Variants in GALNT13 observed in about 807,000 individuals in gnomAD.
GALNT13 encodes the protein polypeptide N-acetylgalactosaminyltransferase 13.
GALNT13 carries 28 observed loss-of-function variants against 64.2 expected under a neutral mutation model. The ratio of observed to expected loss-of-function variants is 0.44; its 90% CI spans 0.32 to 0.60. GALNT13 has a LOEUF of 0.60. GALNT13 is among the 20% of genes least tolerant of loss of function. The pLI is 0.05. For synonymous variants in GALNT13, 214 were observed against 224.6 expected (o/e 0.95, Z 0.42); for missense variants, 577 against 669.8 (o/e 0.86, Z 1.53).
At chr2:153,245,383 G>A in the GALNT13 span, among the ~76,000 whole-genome samples, 6 of 152,278 alleles carry the variant, frequency 3.9e-5, no homozygotes, top group African/African-American at 9.6e-5. Context: ...CCTCATACAG[G>A]AGAGCTCTGG....
At chr2:153,330,183 T>C in the GALNT13 span, among the ~76,000 whole-genome samples, 2 of 152,214 alleles carry the variant, frequency 1.3e-5, no homozygotes, top group Admixed American at 1.3e-4. Context: ...ACTGTAGCCT[T>C]ATAGTATAGT....
chr2:153,345,233 G>A, the GALNT13 span, among the ~76,000 whole-genome samples: 2 of 152,100 alleles, frequency 1.3e-5, no homozygotes, highest in Non-Finnish European at 2.9e-5. Flanking sequence ...TCCATCTTCT[G>A]ACTATTGTAG....
intron 9 of GALNT13, among the ~76,000 whole-genome samples, chr2:154,339,102 G>A (rs1695613215): frequency 6.6e-6 from 1 of 152,000 alleles, no homozygotes; most frequent in Non-Finnish European, 1.5e-5. Context: ...TACATATTAG[G>A]CATTCAATCA....
chr2:153,727,106 A>T, the GALNT13 span, among the ~76,000 whole-genome samples: 5 of 152,176 alleles, frequency 3.3e-5, no homozygotes. Context: ...TAATTACTAT[A>T]TAATTTTCAG....
the GALNT13 span, among the ~76,000 whole-genome samples, chr2:153,292,853 C>CTG: frequency 6.6e-6 from 1 of 152,194 alleles, no homozygotes; most frequent in East Asian, 1.9e-4. Flanking sequence ...TCAGACATTT[C>CTG]TGTGTGTATA....
At chr2:154,406,390 T>C (rs1699542266) in intron 10 of GALNT13, among the ~76,000 whole-genome samples, 1 of 152,158 alleles carries the variant, frequency 6.6e-6, no homozygotes, top group South Asian at 2.1e-4. Context: ...TATTATACCA[T>C]GCCTATGCTA....
chr2:154,118,843 C>T (rs1681764809), intron 3 of GALNT13, among the ~76,000 whole-genome samples: 1 of 152,064 alleles, frequency 6.6e-6, no homozygotes, highest in Non-Finnish European at 1.5e-5. Flanking sequence ...TGGACTGTTA[C>T]TCCTCCCTTC....
At chr2:153,723,845 G>A in the GALNT13 span, among the ~76,000 whole-genome samples, 1 of 150,942 alleles carries the variant, frequency 6.6e-6, no homozygotes, top group Non-Finnish European at 1.5e-5. Context: ...CTCATGGGTA[G>A]GAAGAATCAA....
chr2:153,798,381 T>C, the GALNT13 span, among the ~76,000 whole-genome samples: 2 of 152,322 alleles, frequency 1.3e-5, no homozygotes, highest in East Asian at 3.9e-4. Flanking sequence ...TAAAAGGAAA[T>C]GTATAAGTGA....
At chr2:153,600,681 G>A in the GALNT13 span, among the ~76,000 whole-genome samples, 2 of 151,986 alleles carry the variant, frequency 1.3e-5, no homozygotes, top group African/African-American at 4.8e-5. Flanking sequence ...ATTCATTTCA[G>A]AGCTTTAAAT....
chr2:153,765,731 C>G, the GALNT13 span, among the ~76,000 whole-genome samples: 1 of 152,086 alleles, frequency 6.6e-6, no homozygotes, highest in African/African-American at 2.4e-5. Flanking sequence ...GTGTCCTCAT[C>G]CAAAACTCAC....
chr2:153,649,252 A>G, the GALNT13 span, among the ~76,000 whole-genome samples: 2 of 152,200 alleles, frequency 1.3e-5, no homozygotes, highest in African/African-American at 4.8e-5. Flanking sequence ...TTATTTGCAC[A>G]GAGGTGTTTA....
intron 4 of GALNT13, among the ~76,000 whole-genome samples, chr2:154,180,817 C>T (rs887166636): frequency 5.9e-5 from 9 of 151,960 alleles, no homozygotes; most frequent in African/African-American, 1.9e-4. Context: ...ATGTCATTAA[C>T]TGGAGATCTT....
intron 12 of GALNT13, among the ~76,000 whole-genome samples, chr2:154,447,971 C>T (rs1300502596): frequency 6.6e-6 from 1 of 151,950 alleles, no homozygotes; most frequent in African/African-American, 2.4e-5. Flanking sequence ...TGCTTCTCTC[C>T]ATAGGAGAAA....
intron 9 of GALNT13, among the ~76,000 whole-genome samples, chr2:154,318,488 G>A (rs1694442954): frequency 6.6e-6 from 1 of 152,056 alleles, no homozygotes; most frequent in Non-Finnish European, 1.5e-5. Context: ...CACTTTGGGA[G>A]GCTGAGGCAA....
rs1559087994 is a variant in GALNT13, at chr2:154,318,905, A to G, written c.1156+17316A>G. Among the ~76,000 whole-genome samples, 4 of 152,180 alleles carry G rather than the reference A, an allele frequency of 2.6e-5. No individual in the cohort carries two copies. The South Asian group carries it at 6.2e-4, about 24-fold the overall frequency. ...CGCACACACACGCACACACATATAT[A>G]TACAAATATATATACACACATATGT... is the stretch of plus-strand genomic sequence containing the variant. On this transcript the variant is annotated intron_variant, in intron 9 of 12. Coordinates refer to ENST00000392825, the MANE Select transcript of GALNT13 (RefSeq NM_052917.4).
At chr2:154,402,787 T>C (rs1011499225) in intron 10 of GALNT13, among the ~76,000 whole-genome samples, 2 of 152,236 alleles carry the variant, frequency 1.3e-5, no homozygotes, top group African/African-American at 4.8e-5. Flanking sequence ...TTGCATCTTT[T>C]CTGAAATTTT....
intron 12 of GALNT13, among the ~76,000 whole-genome samples, chr2:154,447,402 A>G (rs556852470): frequency 1.3e-5 from 2 of 152,068 alleles, no homozygotes; most frequent in East Asian, 1.9e-4. Flanking sequence ...TCTCACTTTT[A>G]CGATTTGTGA....
chr2:154,209,433 A>T (rs1687648446), intron 4 of GALNT13, among the ~76,000 whole-genome samples: 1 of 152,182 alleles, frequency 6.6e-6, no homozygotes, highest in Non-Finnish European at 1.5e-5. Flanking sequence ...TTAGGTTAAT[A>T]ACTTCTGACT....
Sources: allele counts gnomAD v4.1 joint callset (sites outside exome capture counted in the v4.1 genomes callset), GRCh38; gene constraint gnomAD v4.1.1; transcripts MANE v1.5; gene names NCBI Gene and HGNC (gene_info 2026-07-23, HGNC 2026-07-21).